The following MAGI1 variants were observed in gnomAD, a reference collection of about 807,000 sequenced individuals.
MAGI1 encodes the protein membrane associated guanylate kinase, WW and PDZ domain containing 1, also known as membrane-associated guanylate kinase, WW and PDZ domain-containing protein 1.
A neutral mutation model predicts 139.9 loss-of-function variants in MAGI1; 58 were observed. The observed-to-expected ratio is 0.41, with a 90% confidence interval of 0.34 to 0.52. The LOEUF (loss-of-function observed/expected upper bound fraction) is 0.52. Ranked by LOEUF, MAGI1 falls within the 20% of genes least tolerant of loss-of-function variation. The probability of loss-of-function intolerance (pLI) is 0.12; values close to 1 mark genes in which losing one functional copy is unlikely to be tolerated. For synonymous variants in MAGI1, 812 were observed against 737.9 expected, an observed-to-expected ratio of 1.10 and a Z score of -1.63; for missense variants, 1,874 against 1,901.6, an observed-to-expected ratio of 0.99 and a Z score of 0.27.
In MAGI1 at chr3:65,626,300, G is replaced by A. The variant is rs1382952103; in HGVS notation, c.314-4212C>T. ...TGTGGTAACTATCAAGATAAACCAG[G>A]GACATATAGATTGGAAACCATTTTA... is the stretch of plus-strand genomic sequence containing the variant. On this transcript the variant is annotated intron_variant, in intron 1 of 22. Transcript: ENST00000402939. Among the ~76,000 whole-genome samples, 6 of 152,012 alleles carry A rather than the reference G, an allele frequency of 3.9e-5. No individual in the cohort carries two copies. In the East Asian group the frequency reaches 1.2e-3, roughly 29 times the overall value.
At chr3:65,670,361 TAC>T (rs775273007) in intron 1 of MAGI1, among the ~76,000 whole-genome samples, 9 of 150,994 alleles carry the variant, frequency 6.0e-5, no homozygotes, top group East Asian at 2.0e-4. Context: ...TATATATATA[TAC>T]ACATAAGTGC....
chr3:65,626,032 G>A (rs548527837), intron 1 of MAGI1, among the ~76,000 whole-genome samples: 12 of 152,256 alleles, frequency 7.9e-5, no homozygotes, highest in African/African-American at 2.9e-4. Context: ...TCTAGAAATT[G>A]AGTAAAAAAA....
intron 1 of MAGI1, among the ~76,000 whole-genome samples, chr3:65,707,478 A>T (rs2030540296): frequency 6.6e-6 from 1 of 152,108 alleles, no homozygotes; most frequent in Admixed American, 6.5e-5. Context: ...TGAGCCCAGG[A>T]GTTTGAGACC....
intron 1 of MAGI1, among the ~76,000 whole-genome samples, chr3:65,827,147 T>C (rs1261390756): frequency 6.6e-6 from 1 of 152,202 alleles, no homozygotes; most frequent in African/African-American, 2.4e-5. Flanking sequence ...CAGGGGCTGG[T>C]TATAAATCTA....
intron 1 of MAGI1, among the ~76,000 whole-genome samples, chr3:65,877,674 G>A (rs2060167975): frequency 1.3e-5 from 2 of 152,130 alleles, no homozygotes; most frequent in Admixed American, 1.3e-4. Context: ...TCCTGCCTAA[G>A]CCTCCCAAGT....
intron 2 of MAGI1, among the ~76,000 whole-genome samples, chr3:65,505,818 T>C (rs1047128243): frequency 2.0e-5 from 3 of 152,012 alleles, no homozygotes; most frequent in African/African-American, 7.2e-5. Flanking sequence ...TATGTATAAA[T>C]TGTGTATCAA....
At chr3:65,511,631 ACAGGAG>A (rs2077599412) in intron 2 of MAGI1, among the ~76,000 whole-genome samples, 1 of 139,766 alleles carries the variant, frequency 7.2e-6, no homozygotes. Context: ...TGCACCCAAT[ACAGGAG>A]CACCCAGATT....
intron 1 of MAGI1, among the ~76,000 whole-genome samples, chr3:66,003,230 C>T (rs955193197): frequency 6.6e-6 from 1 of 152,104 alleles, no homozygotes; most frequent in Non-Finnish European, 1.5e-5. Context: ...CAAACTCTTC[C>T]CTCCTTCCCT....
At chr3:66,034,779 C>T (rs765142524) in intron 1 of MAGI1, among the ~76,000 whole-genome samples, 18 of 152,058 alleles carry the variant, frequency 1.2e-4, no homozygotes, top group Non-Finnish European at 1.9e-4. Context: ...TGCAACAAAA[C>T]GAAATCTCCA....
intron 2 of MAGI1, among the ~76,000 whole-genome samples, chr3:65,615,748 CA>C (rs1199516380): frequency 1.3e-5 from 2 of 152,182 alleles, no homozygotes; most frequent in African/African-American, 4.8e-5. Context: ...CACATCTAAA[CA>C]AAAAGTATTG....
At chr3:65,520,338 C>T (rs1271733502) in intron 2 of MAGI1, among the ~76,000 whole-genome samples, 2 of 152,132 alleles carry the variant, frequency 1.3e-5, no homozygotes, top group Admixed American at 1.3e-4. Context: ...TGTGGAAGAT[C>T]CTTCAATAAT....
chr3:65,775,500 GCC>G (rs1340020466), intron 1 of MAGI1, among the ~76,000 whole-genome samples: 151 of 32,548 alleles, frequency 4.6e-3, no homozygotes, highest in African/African-American at 0.015. Context: ...CACCCACTCT[GCC>G]AAAAAAAAAA....
chr3:65,913,581 A>C (rs1358497017), intron 1 of MAGI1, among the ~76,000 whole-genome samples: 1 of 152,172 alleles, frequency 6.6e-6, no homozygotes, highest in Non-Finnish European at 1.5e-5. Flanking sequence ...CTAATTTGGG[A>C]AATGCTGCAT....
At chr3:65,726,380 T>C (rs1415071277) in intron 1 of MAGI1, among the ~76,000 whole-genome samples, 2 of 152,210 alleles carry the variant, frequency 1.3e-5, no homozygotes, top group African/African-American at 4.8e-5. Context: ...GGTAAAGATA[T>C]TGAGTCTCTG....
chr3:65,502,265 A>C (rs2077111056), intron 2 of MAGI1, among the ~76,000 whole-genome samples: 1 of 152,214 alleles, frequency 6.6e-6, no homozygotes, highest in South Asian at 2.1e-4. Context: ...AAATAAAGCC[A>C]TTTTGTTTTA....
At chr3:65,812,853 G>T (rs2041363850) in intron 1 of MAGI1, among the ~76,000 whole-genome samples, 1 of 151,400 alleles carries the variant, frequency 6.6e-6, no homozygotes, top group South Asian at 2.1e-4. Context: ...GGGACTACAG[G>T]CATGCACCAC....
intron 1 of MAGI1, among the ~76,000 whole-genome samples, chr3:65,999,350 G>A (rs1369644878): frequency 6.6e-6 from 1 of 152,086 alleles, no homozygotes; most frequent in Non-Finnish European, 1.5e-5. Context: ...AATAAAATCT[G>A]GGAGCAATAT....
At chr3:65,972,208 GA>G (rs2065044974) in intron 1 of MAGI1, among the ~76,000 whole-genome samples, 1 of 152,198 alleles carries the variant, frequency 6.6e-6, no homozygotes, top group South Asian at 2.1e-4. Context: ...ACTAGCAGCA[GA>G]AAAGAAGGTG....
intron 13 of MAGI1, among the ~76,000 whole-genome samples, chr3:65,400,387 G>T (rs1575613672): frequency 6.6e-6 from 1 of 152,146 alleles, no homozygotes; most frequent in Admixed American, 6.5e-5. Flanking sequence ...ATGCTGCCAG[G>T]CTTGGAGACA....
Sources: gnomAD v4.1 joint callset for allele counts (sites outside exome capture counted in the v4.1 genomes callset) on GRCh38, gnomAD v4.1.1 for gene constraint, MANE v1.5 for transcripts, NCBI Gene and HGNC (gene_info 2026-07-23, HGNC 2026-07-21) for gene names.